The following ST6GALNAC3 variants were observed in gnomAD, a reference collection of about 807,000 sequenced individuals.
The protein encoded by ST6GALNAC3 is alpha-N-acetylgalactosaminide alpha-2,6-sialyltransferase 3.
In ST6GALNAC3, 25 loss-of-function variants were observed where a neutral mutation model predicts 32.7. The observed-to-expected ratio is 0.76, with a 90% confidence interval of 0.56 to 1.07. The LOEUF (loss-of-function observed/expected upper bound fraction) is 1.07, where lower values mean the gene tolerates loss of function less well. Ranked by LOEUF, ST6GALNAC3 falls within the 50% of genes least tolerant of loss-of-function variation. The pLI, the probability that ST6GALNAC3 is intolerant of heterozygous loss-of-function variation, is 0.00. For synonymous variants in ST6GALNAC3, 129 were observed against 133.1 expected, an observed-to-expected ratio of 0.97 and a Z score of 0.21; for missense variants, 355 against 382.4, an observed-to-expected ratio of 0.93 and a Z score of 0.60.
intron 3 of ST6GALNAC3, among the ~76,000 whole-genome samples, chr1:76,583,821 A>G (rs1046653361): frequency 6.6e-6 from 1 of 152,256 alleles, no homozygotes; most frequent in Non-Finnish European, 1.5e-5. Flanking sequence ...TAATTTTCCT[A>G]CAATATGACA....
At chr1:76,169,571 C>G (rs1246654789) in intron 1 of ST6GALNAC3, among the ~76,000 whole-genome samples, 1 of 152,060 alleles carries the variant, frequency 6.6e-6, no homozygotes, top group Non-Finnish European at 1.5e-5. Context: ...TTGCATTTTC[C>G]CCATCTCTTT....
intron 1 of ST6GALNAC3, among the ~76,000 whole-genome samples, chr1:76,126,009 TC>T (rs1445250953): frequency 1.3e-5 from 2 of 152,168 alleles, no homozygotes; most frequent in South Asian, 2.1e-4. Flanking sequence ...GACAGCAAGG[TC>T]CCCTGGGATT....
At chr1:76,116,878 A>G (rs1038304659) in intron 1 of ST6GALNAC3, among the ~76,000 whole-genome samples, 3 of 152,156 alleles carry the variant, frequency 2.0e-5, no homozygotes, top group African/African-American at 7.2e-5. Flanking sequence ...GCAGTGAGCC[A>G]AGATCTTGCC....
At chr1:76,373,978 A>AT (rs562600307) in intron 2 of ST6GALNAC3, among the ~76,000 whole-genome samples, 5 of 152,212 alleles carry the variant, frequency 3.3e-5, no homozygotes, top group South Asian at 2.1e-4. Flanking sequence ...AGAGTGCTCA[A>AT]TTGCCTCTGT....
chr1:76,596,894 A>G (rs1194781338), intron 3 of ST6GALNAC3, among the ~76,000 whole-genome samples: 2 of 152,116 alleles, frequency 1.3e-5, no homozygotes, highest in Admixed American at 6.6e-5. Flanking sequence ...ACATGTTTAT[A>G]CTTGTGAGCT....
chr1:76,440,307 T>G (rs145996506), intron 3 of ST6GALNAC3, among the ~76,000 whole-genome samples: 1 of 152,330 alleles, frequency 6.6e-6, no homozygotes, highest in Non-Finnish European at 1.5e-5. Flanking sequence ...ATCAAGAATT[T>G]GTGACCCTAA....
chr1:76,242,248 C>T (rs1657005692), intron 1 of ST6GALNAC3, among the ~76,000 whole-genome samples: 1 of 151,476 alleles, frequency 6.6e-6, no homozygotes, highest in South Asian at 2.1e-4. Context: ...CATTTGTAAT[C>T]ACAAAAAAAA....
chr1:76,271,491 C>A (rs76500898), intron 1 of ST6GALNAC3, among the ~76,000 whole-genome samples: 57 of 152,276 alleles, frequency 3.7e-4, no homozygotes, highest in Non-Finnish European at 6.6e-4. Flanking sequence ...CTTCAGTGGT[C>A]CTATGCTTTA....
chr1:76,499,917 A>G (rs949744390), intron 3 of ST6GALNAC3, among the ~76,000 whole-genome samples: 2 of 152,164 alleles, frequency 1.3e-5, no homozygotes, highest in Non-Finnish European at 2.9e-5. Context: ...AAAATAAAGC[A>G]TGGTGAATTT....
rs1341288338 is a variant in ST6GALNAC3, at chr1:76,509,417, C to G, written c.623+97000C>G. Among the ~76,000 whole-genome samples the G allele has an allele frequency of 6.6e-6, 1 of 152,004 alleles. No individual in the cohort carries two copies. The highest frequency in any genetic ancestry group is 6.6e-5 in the Admixed American group (1 of 15,264). Reference sequence around the variant, plus strand: ...GCTGATGCTACAGGATTTTCTTGGTCAGAATCATAAAAAGATAGAGAAGCC... The same window carrying G: ...GCTGATGCTACAGGATTTTCTTGGTGAGAATCATAAAAAGATAGAGAAGCC... On this transcript the variant is annotated intron_variant, in intron 3 of 4. Transcript: ENST00000328299. This position sits in a 1 kb window ranked among gnomAD's most constrained non-coding sequence, Gnocchi z 5.5.
At chr1:76,446,867 C>T (rs550666312) in intron 3 of ST6GALNAC3, among the ~76,000 whole-genome samples, 9 of 152,212 alleles carry the variant, frequency 5.9e-5, no homozygotes, top group Non-Finnish European at 1.2e-4. Flanking sequence ...GTCCATTAAA[C>T]CCTTTTTCCT....
chr1:76,614,486 G>A (rs1439142605), intron 3 of ST6GALNAC3, among the ~76,000 whole-genome samples: 1 of 152,024 alleles, frequency 6.6e-6, no homozygotes, highest in South Asian at 2.1e-4. Context: ...TTGGGAGGCC[G>A]AGGCGGGCAG....
chr1:76,357,130 C>CTTTCTTTTTTTTTT (rs1165946045), intron 2 of ST6GALNAC3, among the ~76,000 whole-genome samples: 3 of 111,176 alleles, frequency 2.7e-5, no homozygotes, highest in African/African-American at 1.0e-4. Context: ...TTTTCTTTTT[C>CTTTCTTTTTTTTTT]TTTTTTTTTT....
chr1:76,091,612 G>C (rs2100749924), intron 1 of ST6GALNAC3, among the ~76,000 whole-genome samples: 1 of 152,284 alleles, frequency 6.6e-6, no homozygotes, highest in Non-Finnish European at 1.5e-5. Context: ...ATATGACAGT[G>C]GTCCCATAAG....
chr1:76,532,650 A>C (rs1663332250), intron 3 of ST6GALNAC3, among the ~76,000 whole-genome samples: 1 of 152,178 alleles, frequency 6.6e-6, no homozygotes, highest in South Asian at 2.1e-4. Flanking sequence ...AAGGAAAGAG[A>C]AGTGTGAACT....
At chr1:76,160,144 G>C (rs370808) in intron 1 of ST6GALNAC3, among the ~76,000 whole-genome samples, 21,311 of 152,148 alleles carry the variant, frequency 0.14, 1,733 homozygotes, top group Non-Finnish European at 0.19. Flanking sequence ...GTAGAGGAAG[G>C]AATGTGAGTG....
At chr1:76,387,888 T>C (rs1045434039) in intron 2 of ST6GALNAC3, among the ~76,000 whole-genome samples, 1 of 150,800 alleles carries the variant, frequency 6.6e-6, no homozygotes, top group African/African-American at 2.5e-5. Flanking sequence ...CTTCTATGAC[T>C]GAAAAAAAAT....
At chr1:76,563,466 A>G (rs1333845266) in intron 3 of ST6GALNAC3, among the ~76,000 whole-genome samples, 1 of 152,180 alleles carries the variant, frequency 6.6e-6, no homozygotes. Flanking sequence ...TTTCACCCAT[A>G]CAATTTTTGT....
intron 3 of ST6GALNAC3, among the ~76,000 whole-genome samples, chr1:76,624,461 G>T (rs188315099): frequency 6.6e-6 from 1 of 151,880 alleles, no homozygotes; most frequent in Non-Finnish European, 1.5e-5. Flanking sequence ...CTTCAGAAAC[G>T]ACTGTGTGGG....
Sources: gnomAD v4.1 joint callset for allele counts (sites outside exome capture counted in the v4.1 genomes callset) on GRCh38, gnomAD v4.1.1 for gene constraint, Gnocchi (gnomAD v3.1) non-coding constraint, MANE v1.5 for transcripts, NCBI Gene and HGNC (gene_info 2026-07-23, HGNC 2026-07-21) for gene names.